Variants in CERS6 observed in about 807,000 individuals in gnomAD.
CERS6 encodes ceramide synthase 6, also known as LAG1 homolog, ceramide synthase 6.
Under a neutral mutation model 56.8 loss-of-function variants are expected in CERS6, and 26 were observed. The ratio of observed to expected loss-of-function variants is 0.46; its 90% confidence interval spans 0.34 to 0.63. The LOEUF is 0.63. CERS6 is among the 30% of genes least tolerant of loss of function. The pLI, the probability that CERS6 is intolerant of heterozygous loss-of-function variation, is 0.01. For synonymous variants in CERS6, 164 were observed against 173.3 expected (o/e 0.95, Z 0.42); for missense variants, 415 against 467.5 (o/e 0.89, Z 1.04).
At chr2:168,472,759 A>G (rs933762931) in intron 1 of CERS6, among the ~76,000 whole-genome samples, 2 of 152,220 alleles carry the variant, frequency 1.3e-5, no homozygotes, top group African/African-American at 4.8e-5. Context: ...TTTTTAAAAG[A>G]TAAACAGATT....
At chr2:168,550,102 C>T (rs1695539488) in intron 2 of CERS6, among the ~76,000 whole-genome samples, 1 of 152,202 alleles carries the variant, frequency 6.6e-6, no homozygotes, top group Admixed American at 6.5e-5. Flanking sequence ...AAAAAAGTGC[C>T]ATTAAGCATA....
intron 8 of CERS6, among the ~76,000 whole-genome samples, chr2:168,739,110 T>C (rs1269137686): frequency 7.0e-6 from 1 of 143,834 alleles, no homozygotes; most frequent in African/African-American, 2.7e-5. Context: ...GGTTTCACCA[T>C]GTTTCCCAGG....
Position 168,631,041 on chromosome 2 carries a change from A to G in CERS6, c.464A>G (p.Lys155Arg). The G allele has an allele frequency of 6.7e-7, 1 of 1,486,040 alleles. No homozygotes were observed. Among genetic ancestry groups the G allele is most frequent in the Non-Finnish European group, 9.2e-7 (1 of 1,082,446 alleles). 92.1% of individuals were successfully genotyped at this position (1,486,040 alleles called of 1,614,324 possible). A position where few individuals can be genotyped will look rare whatever the true frequency, so the allele number is the denominator to read the frequency against. Residue 155 changes from lysine to arginine, a missense_variant and splice_region_variant, in exon 4 of 10, where the codon AAG (lysine) becomes AGG (arginine). By Grantham distance (26) the Lys-to-Arg change is conservative. Transcript: ENST00000305747. ...VFTYGVRFLK[K>R]TPWLWNTRHC... ...ACCTACGGAGTCAGATTCCTGAAAA[A>G]GGTAGGATCTCTCAAACTATTTTAC...
Position 168,715,121 on chromosome 2 carries a change from C to G in CERS6, c.730C>G (p.Leu244Val), listed in dbSNP as rs780260977. Residue 244 changes from leucine (L) to valine (V), a missense_variant, in exon 7 of 10, where the codon CTT (leucine) becomes GTT (valine). By Grantham distance (32) the Leu-to-Val change is conservative (BLOSUM62 1). Coordinates refer to ENST00000305747, the MANE Select transcript of CERS6 (RefSeq NM_203463.3). The stretch of plus-strand genomic sequence containing the variant: ...TTGTCTTCATGATTCAGCTGATGCT[C>G]TTCTGGAGGTAAAAGTTTTCTTTCA... Reference protein sequence around the residue: ...VLCLHDSADALLEAAKMANYA... With the variant: ...VLCLHDSADAVLEAAKMANYA... 9 of 1,605,894 alleles carry G rather than the reference C, an allele frequency of 5.6e-6. No homozygotes were observed. Among genetic ancestry groups the G allele is most frequent in the Non-Finnish European group, 7.6e-6 (9 of 1,177,466 alleles).
chr2:168,554,766 A>T (rs1695645063), intron 2 of CERS6, among the ~76,000 whole-genome samples: 1 of 152,246 alleles, frequency 6.6e-6, no homozygotes, highest in Non-Finnish European at 1.5e-5. Context: ...TAAATGTTGA[A>T]AATAAGAGCA....
intron 1 of CERS6, among the ~76,000 whole-genome samples, chr2:168,490,357 G>T (rs1333996368): frequency 1.3e-5 from 2 of 152,168 alleles, no homozygotes; most frequent in African/African-American, 4.8e-5. Context: ...AGTATGAGTG[G>T]CTCAGGCTGC....
chr2:168,536,125 A>G (rs751631874), intron 1 of CERS6, among the ~76,000 whole-genome samples: 3 of 152,222 alleles, frequency 2.0e-5, no homozygotes, highest in Admixed American at 6.5e-5. Flanking sequence ...GAGATAATGC[A>G]GATGCAAGAA....
At chr2:168,750,645 T>A (rs1209726317) in intron 8 of CERS6, among the ~76,000 whole-genome samples, 1 of 152,228 alleles carries the variant, frequency 6.6e-6, no homozygotes, top group African/African-American at 2.4e-5. Context: ...TTTGATGCCC[T>A]ATTTTAGGGC....
intron 3 of CERS6, among the ~76,000 whole-genome samples, chr2:168,602,946 A>C (rs1485089615): frequency 6.6e-6 from 1 of 152,192 alleles, no homozygotes; most frequent in East Asian, 1.9e-4. Context: ...TGTTGCAGCT[A>C]ATTTGTTCCA....
intron 1 of CERS6, among the ~76,000 whole-genome samples, chr2:168,523,095 T>C (rs1461154564): frequency 6.6e-6 from 1 of 152,212 alleles, no homozygotes; most frequent in Non-Finnish European, 1.5e-5. Context: ...AACAGAAGCA[T>C]GTAGGTCAGT....
chr2:168,750,685 A>G (rs1304367010), intron 8 of CERS6, among the ~76,000 whole-genome samples: 3 of 152,208 alleles, frequency 2.0e-5, no homozygotes, highest in Non-Finnish European at 2.9e-5. Flanking sequence ...GTGGCTTGCT[A>G]TTATAAATAA....
intron 3 of CERS6, among the ~76,000 whole-genome samples, chr2:168,614,601 C>T (rs1684270712): frequency 6.6e-6 from 1 of 152,080 alleles, no homozygotes; most frequent in South Asian, 2.1e-4. Context: ...TGCTGGCTTT[C>T]CCCCACTTCC....
intron 3 of CERS6, among the ~76,000 whole-genome samples, chr2:168,627,384 T>C (rs762680298): frequency 2.4e-4 from 36 of 152,200 alleles, no homozygotes; most frequent in Non-Finnish European, 4.6e-4. Flanking sequence ...AATTTTTTCA[T>C]AAAGGTTAAT....
intron 8 of CERS6, among the ~76,000 whole-genome samples, chr2:168,762,293 ATAG>A (rs1487766204): frequency 6.6e-6 from 1 of 152,168 alleles, no homozygotes; most frequent in African/African-American, 2.4e-5. Flanking sequence ...TAAAATACTT[ATAG>A]ATATTTTATG....
intron 4 of CERS6, among the ~76,000 whole-genome samples, chr2:168,677,418 T>C (rs1319681781): frequency 3.9e-5 from 6 of 152,194 alleles, no homozygotes; most frequent in African/African-American, 1.4e-4. Context: ...CAGTCTAACA[T>C]TGATGGGCAT....
At chr2:168,492,047 C>T (rs1221235855) in intron 1 of CERS6, among the ~76,000 whole-genome samples, 1 of 152,146 alleles carries the variant, frequency 6.6e-6, no homozygotes, top group Non-Finnish European at 1.5e-5. Context: ...GGTTCCAAGT[C>T]TTTGCTATTG....
intron 3 of CERS6, among the ~76,000 whole-genome samples, chr2:168,565,205 G>T (rs914372102): frequency 4.6e-5 from 7 of 152,196 alleles, no homozygotes; most frequent in Non-Finnish European, 1.0e-4. Flanking sequence ...GCAAATGTGT[G>T]TGTCATACTT....
At chr2:168,547,448 T>C in intron 1 of CERS6, 148 bp from the exon 2 acceptor site, 2 of 623,622 alleles carry the variant, frequency 3.2e-6, no homozygotes, top group South Asian at 2.0e-5. Context: ...TGCCTTACAG[T>C]TACTGACAGG....
At chr2:168,520,998 T>A (rs1179410443) in intron 1 of CERS6, among the ~76,000 whole-genome samples, 1 of 152,220 alleles carries the variant, frequency 6.6e-6, no homozygotes, top group Non-Finnish European at 1.5e-5. Flanking sequence ...TTTGTTTGCT[T>A]TTGTTTATGA....
Sources: allele counts gnomAD v4.1 joint callset (sites outside exome capture counted in the v4.1 genomes callset), GRCh38; gene constraint gnomAD v4.1.1; transcripts MANE v1.5; gene names NCBI Gene and HGNC (gene_info 2026-07-23, HGNC 2026-07-21).